Variants in FAM199X observed in about 807,000 individuals in gnomAD.
The protein encoded by FAM199X is family with sequence similarity 199, X-linked.
In FAM199X, 4 loss-of-function variants were observed where a neutral mutation model predicts 22.9. The ratio of observed to expected loss-of-function variants is 0.17; its 90% confidence interval spans 0.09 to 0.40. The LOEUF (loss-of-function observed/expected upper bound fraction) is 0.40, where lower values mean the gene tolerates loss of function less well. FAM199X is among the 10% of genes least tolerant of loss of function. The probability of loss-of-function intolerance (pLI) is 1.00; values close to 1 mark genes in which losing one functional copy is unlikely to be tolerated. For missense variants in FAM199X, 183 were observed against 306.8 expected, an observed-to-expected ratio of 0.60 and a Z score of 3.01; for synonymous variants, 101 against 112.3, an observed-to-expected ratio of 0.90 and a Z score of 0.64.
chrX:104,176,089 A>G (rs1474908156), intron 2 of FAM199X, among the ~76,000 whole-genome samples: 7 of 111,586 alleles, frequency 6.3e-5, no homozygotes, highest in South Asian at 3.7e-4. Flanking sequence ...TAATATTACC[A>G]TTATTATATA....
At chrX:104,169,276 A>G (rs1921293523) in intron 1 of FAM199X, among the ~76,000 whole-genome samples, 1 of 112,407 alleles carries the variant, frequency 8.9e-6, no homozygotes, top group Non-Finnish European at 1.9e-5. Context: ...GATTTCAAAT[A>G]GTTGAGTGCT....
chrX:104,184,437 G>C (rs781942188), intron 2 of FAM199X, among the ~76,000 whole-genome samples: 19 of 111,935 alleles, frequency 1.7e-4, no homozygotes, highest in African/African-American at 5.2e-4. Flanking sequence ...CCTTGTAGAA[G>C]AAAAGACTTT....
chrX:104,162,165 T>C (rs996552835), upstream of FAM199X, among the ~76,000 whole-genome samples: 5 of 112,077 alleles, frequency 4.5e-5, no homozygotes, highest in Non-Finnish European at 9.4e-5. Context: ...TGGAAGCAGC[T>C]GAGCCCCAAT....
upstream of FAM199X, among the ~76,000 whole-genome samples, chrX:104,165,120 C>T (rs1921131142): frequency 9.0e-6 from 1 of 111,715 alleles, no homozygotes; most frequent in South Asian, 3.7e-4. Context: ...GCCTCACTTC[C>T]ACAAGTTTTA....
intron 2 of FAM199X, among the ~76,000 whole-genome samples, chrX:104,176,409 A>G (rs1234801897): frequency 8.0e-5 from 9 of 112,335 alleles, no homozygotes; most frequent in African/African-American, 2.9e-4. Flanking sequence ...TTTGTCAGAA[A>G]ATTTAGATTG....
chrX:104,184,558 C>G (rs1288087843), intron 2 of FAM199X, among the ~76,000 whole-genome samples: 1 of 110,877 alleles, frequency 9.0e-6, no homozygotes, highest in Admixed American at 9.6e-5. Context: ...CATGCATATA[C>G]TTGAGTATAT....
chrX:104,157,995 TTGTC>T, the FAM199X span, among the ~76,000 whole-genome samples: 1 of 112,615 alleles, frequency 8.9e-6, no homozygotes, highest in Non-Finnish European at 1.9e-5. Flanking sequence ...CCTGTCCTCT[TTGTC>T]TGCTTAAAGC....
chrX:104,186,222 A>G lies in FAM199X; in HGVS notation c.567+7A>G. 1 of 1,202,830 alleles carries G rather than the reference A, an allele frequency of 8.3e-7. No homozygotes were observed. The highest frequency in any genetic ancestry group is 1.1e-6 in the Non-Finnish European group (1 of 893,186). Reference sequence around the variant, plus strand: ...AATGACAAATGATGAGCAGGTAAAGATCTTGACATTCTTAATTAAAAGCTT... The same window carrying G: ...AATGACAAATGATGAGCAGGTAAAGGTCTTGACATTCTTAATTAAAAGCTT... On this transcript the variant is annotated splice_region_variant and intron_variant, in intron 3 of 5. Coordinates refer to ENST00000493442, the MANE Select transcript of FAM199X (RefSeq NM_207318.4).
chrX:104,188,279 T>C lies in FAM199X; in HGVS notation c.969T>C (p.Ser323=). The C allele has an allele frequency of 8.2e-7, 1 of 1,212,234 alleles. No individual in the cohort carries two copies. Among genetic ancestry groups the C allele is most frequent in the East Asian group, 3.0e-5 (1 of 33,854 alleles). ...RAHSDSNLSA[S]AAERIRDSKK... is the part of the protein sequence containing the mutation. ...ACAGTGACAGCAACCTGTCTGCAAG[T>C]GCAGCAGAGCGGATTCGGGATTCAA... Residue 323 remains serine, a synonymous_variant, in exon 5 of 6, where the codon AGT becomes AGC. Transcript: ENST00000493442.
Position 104,181,586 on chromosome X carries a change from G to C in FAM199X, c.418-4480G>C, listed in dbSNP as rs188402237. Among the ~76,000 whole-genome samples, 233 of 112,245 alleles carry C rather than the reference G, an allele frequency of 2.1e-3. 1 individual carries two copies. The highest frequency in any genetic ancestry group is 7.0e-3 in the African/African-American group (217 of 30,942). On this transcript the variant is annotated intron_variant, in intron 2 of 5. Transcript: ENST00000493442. ...ACTTACTGAAAAATTACTATTGTCT[G>C]TCCAAAGGACACTTGTGCTTGCTTC...
rs146022364 is a variant in FAM199X at position 104,178,758 on chromosome X, C to T, written c.417+2916C>T. Among the ~76,000 whole-genome samples, 858 of 111,632 alleles carry T rather than the reference C, an allele frequency of 7.7e-3. 14 individuals carry two copies. Among genetic ancestry groups the T allele is most frequent in the East Asian group, 0.047 (167 of 3,546 alleles). On this transcript the variant is annotated intron_variant, in intron 2 of 5. Coordinates refer to ENST00000493442, the MANE Select transcript of FAM199X (RefSeq NM_207318.4). Reference sequence around the variant, plus strand: ...CATTGATGTATGTGTCTGTCCTTAACGCTAGTACCACACTGTTTTAGTTAT... The same window carrying T: ...CATTGATGTATGTGTCTGTCCTTAATGCTAGTACCACACTGTTTTAGTTAT...
At chrX:104,160,907 C>T in the FAM199X span, among the ~76,000 whole-genome samples, 2 of 111,316 alleles carry the variant, frequency 1.8e-5, no homozygotes, top group Non-Finnish European at 3.8e-5. Context: ...TGATTCTAAT[C>T]TCACTTGACT....
rs1922043106 is a variant in FAM199X at position 104,195,583 on chromosome X, A to G, written c.*5805A>G. The stretch of plus-strand genomic sequence containing the variant: ...TATTTTCCTTATATATTGATTTAGA[A>G]TCTTAAGTTAGAATTTTATAGAAGA... On this transcript the variant is annotated 3_prime_UTR_variant, in exon 6 of 6. Coordinates refer to ENST00000493442, the MANE Select transcript of FAM199X (RefSeq NM_207318.4). 9.0e-6 allele frequency: 1 copy of G among 111,050 alleles called. No homozygotes were observed. Among genetic ancestry groups the G allele is most frequent in the Admixed American group, 9.6e-5 (1 of 10,397 alleles). 9.2% of individuals were successfully genotyped at this position (111,050 alleles called of 1,213,427 possible). A position where few individuals can be genotyped will look rare whatever the true frequency, so the allele number is the denominator to read the frequency against.
intron 2 of FAM199X, among the ~76,000 whole-genome samples, chrX:104,183,439 TGTTA>T (rs1556378329): frequency 1.8e-5 from 2 of 110,368 alleles, no homozygotes; most frequent in Non-Finnish European, 3.8e-5. Flanking sequence ...GTTCAAGCAG[TGTTA>T]GTTAATGAGA....
At position 104,186,207 on chromosome X, in the gene FAM199X, G is replaced by A; in HGVS notation, c.559G>A (p.Asp187Asn). ...ACTCCCTTGGAGTGCAATGACAAATGATGAGCAGGTAAAGATCTTGACATT... is the reference window on the plus strand; with the variant it reads ...ACTCCCTTGGAGTGCAATGACAAATAATGAGCAGGTAAAGATCTTGACATT... ...DELPWSAMTNDEQVEYIEYLS... is the reference protein window; with the variant it reads ...DELPWSAMTNNEQVEYIEYLS... Residue 187 changes from aspartate to asparagine, a missense_variant, in exon 3 of 6, where the codon GAT becomes AAT. Physicochemically the swap from Asp to Asn is conservative, Grantham distance 23 (BLOSUM62 1). Transcript: ENST00000493442. The A allele has an allele frequency of 8.3e-7, 1 of 1,207,713 alleles. No individual in the cohort carries two copies. Among genetic ancestry groups the A allele is most frequent in the Non-Finnish European group, 1.1e-6 (1 of 894,673 alleles).
chrX:104,173,980 TA>T (rs782648352), intron 1 of FAM199X, among the ~76,000 whole-genome samples: 7 of 112,182 alleles, frequency 6.2e-5, no homozygotes, highest in Non-Finnish European at 1.1e-4. Context: ...AAACTTGATA[TA>T]AAAATGTTTC....
chrX:104,166,045 C>G (rs782124046), upstream of FAM199X, among the ~76,000 whole-genome samples: 40 of 112,226 alleles, frequency 3.6e-4, no homozygotes, highest in Middle Eastern at 4.6e-3. Flanking sequence ...GGACTATTTT[C>G]CCTGCTTGGA....
chrX:104,176,721 G>A (rs188669345), intron 2 of FAM199X, among the ~76,000 whole-genome samples: 1 of 111,574 alleles, frequency 9.0e-6, no homozygotes, highest in East Asian at 2.8e-4. Flanking sequence ...AAAACATATG[G>A]GATTATACTT....
intron 2 of FAM199X, among the ~76,000 whole-genome samples, chrX:104,185,764 C>G (rs1370195860): frequency 4.5e-5 from 5 of 110,709 alleles, no homozygotes; most frequent in African/African-American, 1.6e-4. Flanking sequence ...GCCACCACAC[C>G]CAGCTAATTT....
Sources: allele counts gnomAD v4.1 joint callset (sites outside exome capture counted in the v4.1 genomes callset), GRCh38; gene constraint gnomAD v4.1.1; transcripts MANE v1.5; gene names NCBI Gene and HGNC (gene_info 2026-07-23, HGNC 2026-07-21).